KLRG1: variants seen among roughly 807,000 people sequenced by gnomAD.
KLRG1 encodes the protein killer cell lectin-like receptor subfamily G member 1.
KLRG1 carries 16 observed loss-of-function variants against 21.8 expected under a neutral mutation model. The observed-to-expected ratio is 0.73, with a 90% CI of 0.50 to 1.11. The LOEUF is 1.11. KLRG1 is among the 50% of genes most tolerant of loss of function. KLRG1 has a pLI of 0.00. For missense variants in KLRG1, 173 were observed against 218.3 expected, an observed-to-expected ratio of 0.79 and a Z score of 1.31; for synonymous variants, 69 against 75.9, an observed-to-expected ratio of 0.91 and a Z score of 0.47.
chr12:9,003,469 A>T (rs1350826167), intron 3 of KLRG1, among the ~76,000 whole-genome samples: 1 of 152,118 alleles, frequency 6.6e-6, no homozygotes. Flanking sequence ...ATTTTGTGAA[A>T]ATATTAAAAA....
the KLRG1 span, chr12:9,080,270 A>T: frequency 5.5e-6 from 4 of 724,218 alleles, no homozygotes; most frequent in Non-Finnish European, 9.0e-6. Flanking sequence ...ACTATGCCTT[A>T]TACCTAAACT....
the KLRG1 span, among the ~76,000 whole-genome samples, chr12:9,019,939 G>A: frequency 6.6e-6 from 1 of 152,060 alleles, no homozygotes; most frequent in Admixed American, 6.6e-5. Flanking sequence ...TTAACAAAGT[G>A]TATTCTAAAT....
chr12:9,129,471 G>A, the KLRG1 span, among the ~76,000 whole-genome samples: 1 of 152,042 alleles, frequency 6.6e-6, no homozygotes, highest in East Asian at 1.9e-4. Context: ...ATAAAGTAAT[G>A]TGTGAGCTAC....
the KLRG1 span, among the ~76,000 whole-genome samples, chr12:9,145,280 A>G: frequency 6.6e-6 from 1 of 151,390 alleles, no homozygotes; most frequent in East Asian, 1.9e-4. Flanking sequence ...CTTGTGTTTT[A>G]TTGTTTTTTT....
chr12:9,035,374 A>T, the KLRG1 span, among the ~76,000 whole-genome samples: 3 of 151,982 alleles, frequency 2.0e-5, no homozygotes, highest in African/African-American at 7.3e-5. Flanking sequence ...ACATGTTCTC[A>T]CTCATAAGTG....
intron 4 of KLRG1, 24 bp downstream of exon 4, chr12:9,009,099 A>G (rs752137630): frequency 1.3e-5 from 20 of 1,559,634 alleles, no homozygotes; most frequent in Non-Finnish European, 1.5e-5. Flanking sequence ...AAGGAATGCA[A>G]AAAAAGAGAG....
chr12:9,136,712 T>C, the KLRG1 span, among the ~76,000 whole-genome samples: 1 of 152,188 alleles, frequency 6.6e-6, no homozygotes, highest in South Asian at 2.1e-4. Context: ...TATTTGATAA[T>C]AGGCATCCTG....
chr12:9,169,442 A>G, the KLRG1 span: 3 of 1,602,738 alleles, frequency 1.9e-6, no homozygotes, highest in East Asian at 4.5e-5. Flanking sequence ...TGAGGAAGCT[A>G]TAAATATCTG....
chr12:9,109,291 C>T, the KLRG1 span: 50 of 1,543,278 alleles, frequency 3.2e-5, no homozygotes, highest in Non-Finnish European at 4.4e-5. Context: ...AAATAATCCC[C>T]CACAAAAGAT....
chr12:9,175,954 C>T, the KLRG1 span, among the ~76,000 whole-genome samples: 1 of 152,140 alleles, frequency 6.6e-6, no homozygotes, highest in Non-Finnish European at 1.5e-5. Context: ...AATTCCATTA[C>T]TGGGTGTATA....
the KLRG1 span, chr12:9,194,143 AT>A: frequency 6.2e-7 from 1 of 1,614,064 alleles, no homozygotes; most frequent in East Asian, 2.2e-5. Context: ...GACCCTGCTC[AT>A]TGGTGGTTGC....
the KLRG1 span, among the ~76,000 whole-genome samples, chr12:9,155,704 C>G: frequency 6.6e-6 from 1 of 152,012 alleles, no homozygotes; most frequent in Admixed American, 6.6e-5. Context: ...TTTAGACAAC[C>G]TCTATGACAT....
chr12:8,971,114 A>G (rs934336078), intron 1 of KLRG1: 1 of 152,172 alleles, frequency 6.6e-6, no homozygotes, highest in African/African-American at 2.4e-5. Flanking sequence ...CCTAAACCAA[A>G]TTGGGAGAGT....
At chr12:9,048,328 G>T in the KLRG1 span, among the ~76,000 whole-genome samples, 1 of 152,010 alleles carries the variant, frequency 6.6e-6, no homozygotes, top group Non-Finnish European at 1.5e-5. Context: ...AAATAAAAAT[G>T]AAAACAAGTA....
At chr12:9,101,121 G>A in the KLRG1 span, 1 of 1,553,304 alleles carries the variant, frequency 6.4e-7, no homozygotes, top group South Asian at 1.2e-5. Context: ...GGGCAGCAAT[G>A]CAGAGATGAT....
At chr12:8,988,306 A>G (rs1446721342), upstream of KLRG1, 1 of 152,108 alleles carries the variant, frequency 6.6e-6, no homozygotes, top group Admixed American at 6.5e-5. Context: ...TGATCATTGC[A>G]CTCACCTTTG....
intron 1 of KLRG1, among the ~76,000 whole-genome samples, chr12:8,967,183 TGTGGG>T (rs1376050390): frequency 4.9e-5 from 4 of 82,438 alleles, no homozygotes; most frequent in Admixed American, 1.7e-4. Context: ...CGGGGACTGT[TGTGGG>T]GTGGGGGGAG....
chr12:9,084,216 G>T, the KLRG1 span, among the ~76,000 whole-genome samples: 2 of 152,022 alleles, frequency 1.3e-5, no homozygotes, highest in Non-Finnish European at 2.9e-5. Context: ...TGAAACAAAA[G>T]GCCCCTAATT....
chr12:8,987,163 A>C (rs1265085725), upstream of KLRG1: 2 of 152,210 alleles, frequency 1.3e-5, no homozygotes, highest in Non-Finnish European at 2.9e-5. Context: ...CATACAATTC[A>C]GTAGTGTTAA....
Sources: allele counts gnomAD v4.1 joint callset (sites outside exome capture counted in the v4.1 genomes callset), GRCh38; gene constraint gnomAD v4.1.1; transcripts MANE v1.5; gene names NCBI Gene and HGNC (gene_info 2026-07-23, HGNC 2026-07-21).